FXYD6: variants seen among roughly 807,000 people sequenced by gnomAD.
FXYD6 encodes the protein FXYD domain-containing ion transport regulator 6.
Under a neutral mutation model 16.7 loss-of-function variants are expected in FXYD6, and 7 were observed. That is an observed-to-expected ratio of 0.42 (90% CI 0.24 to 0.79). The LOEUF is 0.79. Ranked by LOEUF, FXYD6 falls within the 30% of genes least tolerant of loss-of-function variation. FXYD6 has a pLI of 0.28. For missense variants in FXYD6, 111 were observed against 116.2 expected (o/e 0.95, Z 0.21); for synonymous variants, 49 against 43.0 (o/e 1.14, Z -0.54).
At chr11:117,853,757 T>C (rs1769527177) in intron 1 of FXYD6, among the ~76,000 whole-genome samples, 1 of 152,082 alleles carries the variant, frequency 6.6e-6, no homozygotes, top group South Asian at 2.1e-4. Context: ...CCTCCTTAAG[T>C]GTTGGGATTT....
intron 4 of FXYD6, among the ~76,000 whole-genome samples, 181 bp from the exon 5 acceptor site, chr11:117,841,365 A>G (rs2056338780): frequency 6.6e-6 from 1 of 152,028 alleles, no homozygotes; most frequent in Admixed American, 6.5e-5. Flanking sequence ...AAGGAAATAC[A>G]TTCTATAGCT....
chr11:117,862,802 G>A (rs1010616117), intron 1 of FXYD6, among the ~76,000 whole-genome samples: 1 of 152,174 alleles, frequency 6.6e-6, no homozygotes, highest in Admixed American at 6.5e-5. Flanking sequence ...GGTTGAGGAG[G>A]TCACGGCAAG....
intron 1 of FXYD6, among the ~76,000 whole-genome samples, chr11:117,852,054 T>C (rs1208536179): frequency 6.6e-6 from 1 of 152,216 alleles, no homozygotes; most frequent in Non-Finnish European, 1.5e-5. Flanking sequence ...TAAGGAATTG[T>C]GGGAAGCCTC....
chr11:117,868,588 G>A (rs1444809494), intron 1 of FXYD6, among the ~76,000 whole-genome samples: 1 of 152,016 alleles, frequency 6.6e-6, no homozygotes, highest in Non-Finnish European at 1.5e-5. Flanking sequence ...TATCCTGGAT[G>A]GGATCCTAGA....
chr11:117,863,917 C>T, intron 1 of FXYD6, among the ~76,000 whole-genome samples: 1 of 151,814 alleles, frequency 6.6e-6, no homozygotes, highest in East Asian at 1.9e-4. Context: ...GAAACTCATG[C>T]AATAGAAACA....
Position 117,840,270 on chromosome 11 carries a change from T to C in FXYD6, c.259+49A>G. On this transcript the variant is annotated intron_variant, in intron 6 of 7. Transcript: ENST00000526014. ...AGTCCCTTCCTGAGCCACAGAGGGGTCTCTCTGTTCCCTCTTTTCCACCTG... is the reference window on the plus strand; with the variant it reads ...AGTCCCTTCCTGAGCCACAGAGGGGCCTCTCTGTTCCCTCTTTTCCACCTG... 6 of 1,607,288 alleles carry C rather than the reference T, an allele frequency of 3.7e-6. No individual in the cohort carries two copies. In the Middle Eastern group the frequency reaches 8.3e-4, roughly 221 times the overall value.
chr11:117,858,628 CTTTTTTCTTTCTTTCTTTCT>C (rs1346511579), intron 1 of FXYD6, among the ~76,000 whole-genome samples: 1 of 145,784 alleles, frequency 6.9e-6, no homozygotes, highest in Admixed American at 6.8e-5. Context: ...GCTTCATTTT[CTTTTTTCTTTCTTTCTTTCT>C]TTCTTTCTTT....
At chr11:117,843,205 G>A (rs2056397188) in intron 1 of FXYD6, among the ~76,000 whole-genome samples, 1 of 152,234 alleles carries the variant, frequency 6.6e-6, no homozygotes, top group Admixed American at 6.5e-5. Context: ...AAAGGGCTGG[G>A]ATTATAGGCG....
At chr11:117,858,633 TTCTTTC>T (rs1299742135) in intron 1 of FXYD6, among the ~76,000 whole-genome samples, 1 of 16,920 alleles carries the variant, frequency 5.9e-5, no homozygotes, top group Non-Finnish European at 1.1e-4. Flanking sequence ...ATTTTCTTTT[TTCTTTC>T]TTTCTTTCTT....
chr11:117,859,072 G>C (rs1367694560), intron 1 of FXYD6, among the ~76,000 whole-genome samples: 1 of 151,956 alleles, frequency 6.6e-6, no homozygotes, highest in African/African-American at 2.4e-5. Flanking sequence ...CACCACTCCC[G>C]GCCGATTCTG....
At chr11:117,842,312 G>A in intron 2 of FXYD6, 1 of 577,454 alleles carries the variant, frequency 1.7e-6, no homozygotes, top group South Asian at 2.1e-5. Flanking sequence ...TCCCCAGAAG[G>A]CAGGGTCAGT....
chr11:117,874,955 T>C (rs979699631), intron 1 of FXYD6, among the ~76,000 whole-genome samples: 10 of 152,160 alleles, frequency 6.6e-5, no homozygotes, highest in Non-Finnish European at 1.2e-4. Context: ...CTCTGCAGGG[T>C]TCCCAGGGAG....
Position 117,841,794 on chromosome 11 carries a change from G to C in FXYD6, c.169C>G (p.Leu57Val). Reference sequence around the variant, plus strand: ...GTGAGCAAAAGAACAAACTTACTTAGGATAAGGAGGATCCCAACCGAGAAG... The same window carrying C: ...GTGAGCAAAAGAACAAACTTACTTACGATAAGGAGGATCCCAACCGAGAAG... ...VLFSVGILLI[L>V]SRRCKCSFNQ... Residue 57 changes from leucine to valine, a missense_variant, in exon 4 of 8, where the codon CTA becomes GTA. Coordinates refer to ENST00000526014, the MANE Select transcript of FXYD6 (RefSeq NM_022003.4). The C allele has an allele frequency of 2.5e-6, 4 of 1,613,802 alleles. No individual in the cohort carries two copies. Among genetic ancestry groups the C allele is most frequent in the Non-Finnish European group, 2.5e-6 (3 of 1,180,008 alleles).
chr11:117,844,799 A>G (rs2056436280), intron 1 of FXYD6, among the ~76,000 whole-genome samples: 1 of 152,228 alleles, frequency 6.6e-6, no homozygotes, highest in African/African-American at 2.4e-5. Flanking sequence ...CTGAAAATAC[A>G]TATTTTTAAT....
chr11:117,859,581 C>T (rs2056855939), intron 1 of FXYD6, among the ~76,000 whole-genome samples: 1 of 152,180 alleles, frequency 6.6e-6, no homozygotes, highest in South Asian at 2.1e-4. Flanking sequence ...CTCACTTAAT[C>T]CTTAAACATA....
At chr11:117,844,660 A>G (rs2056433457) in intron 1 of FXYD6, among the ~76,000 whole-genome samples, 1 of 151,722 alleles carries the variant, frequency 6.6e-6, no homozygotes, top group Non-Finnish European at 1.5e-5. Context: ...ACACCCAGCT[A>G]ATTTTTTGTA....
At chr11:117,850,448 G>A (rs552586141) in intron 1 of FXYD6, among the ~76,000 whole-genome samples, 1 of 152,244 alleles carries the variant, frequency 6.6e-6, no homozygotes, top group South Asian at 2.1e-4. Context: ...CTTATGTGTT[G>A]TGTGTGCATC....
chr11:117,866,661 AG>A (rs2057020496), intron 1 of FXYD6, among the ~76,000 whole-genome samples: 1 of 152,208 alleles, frequency 6.6e-6, no homozygotes, highest in South Asian at 2.1e-4. Context: ...GCATCAGCAC[AG>A]GCACTCCTGT....
intron 1 of FXYD6, among the ~76,000 whole-genome samples, chr11:117,857,132 G>T (rs1290568534): frequency 1.3e-5 from 2 of 152,216 alleles, no homozygotes; most frequent in Non-Finnish European, 2.9e-5. Flanking sequence ...TCCTTGGATT[G>T]GAGATGGGAG....
Sources: allele counts gnomAD v4.1 joint callset (sites outside exome capture counted in the v4.1 genomes callset), GRCh38; gene constraint gnomAD v4.1.1; transcripts MANE v1.5; gene names NCBI Gene and HGNC (gene_info 2026-07-23, HGNC 2026-07-21).